The following KLHL2 variants were observed in gnomAD, a reference collection of about 807,000 sequenced individuals.
KLHL2 encodes the protein kelch-like protein 2.
KLHL2 carries 15 observed loss-of-function variants against 75.8 expected under a neutral mutation model. The ratio of observed to expected loss-of-function variants is 0.20; its 90% confidence interval spans 0.13 to 0.30. KLHL2 has a LOEUF of 0.30. KLHL2 is among the 10% of genes least tolerant of loss of function. KLHL2 has a pLI of 1.00. For missense variants in KLHL2, 381 were observed against 741.0 expected, an observed-to-expected ratio of 0.51 and a Z score of 5.64; for synonymous variants, 214 against 251.9, an observed-to-expected ratio of 0.85 and a Z score of 1.42.
intron 14 of KLHL2, 148 bp from the exon 15 acceptor site, chr4:165,321,883 TA>T: frequency 1.4e-6 from 1 of 713,420 alleles, no homozygotes. Flanking sequence ...ATTCAAATGA[TA>T]ATACTACTAA....
At chr4:165,277,168 T>G (rs1479618189) in intron 5 of KLHL2, among the ~76,000 whole-genome samples, 1 of 152,160 alleles carries the variant, frequency 6.6e-6, no homozygotes, top group East Asian at 1.9e-4. Flanking sequence ...TGTTAGAACC[T>G]TCTGAATATA....
At chr4:165,278,883 C>G in intron 5 of KLHL2, 1 of 1,459,722 alleles carries the variant, frequency 6.9e-7, no homozygotes, top group East Asian at 2.3e-5. Context: ...CCTAAACACC[C>G]AGATATTGGC....
intron 5 of KLHL2, among the ~76,000 whole-genome samples, chr4:165,276,491 C>G (rs1189266074): frequency 2.0e-5 from 3 of 152,028 alleles, no homozygotes; most frequent in Non-Finnish European, 4.4e-5. Context: ...GACCATTGCT[C>G]TCACTGCCAT....
intron 11 of KLHL2, among the ~76,000 whole-genome samples, chr4:165,313,036 G>T (rs2126573626): frequency 6.6e-6 from 1 of 152,250 alleles, no homozygotes; most frequent in East Asian, 1.9e-4. Flanking sequence ...ATACCCTGCA[G>T]ATCTTCATAA....
At chr4:165,259,071 A>T (rs2322022) in intron 4 of KLHL2, among the ~76,000 whole-genome samples, 9 of 150,346 alleles carry the variant, frequency 6.0e-5, no homozygotes, top group African/African-American at 9.8e-5. Context: ...AAAATAACTT[A>T]AAAAAATGTA....
intron 4 of KLHL2, among the ~76,000 whole-genome samples, chr4:165,251,899 G>T (rs1484462679): frequency 6.6e-6 from 1 of 152,154 alleles, no homozygotes; most frequent in Admixed American, 6.5e-5. Context: ...GTGAGCCACC[G>T]CGCCCGGCCC....
chr4:165,317,893 A>G lies in KLHL2; in HGVS notation c.1677A>G (p.Ser559=), dbSNP rs1026797376. The change falls in exon 14 of 15, where the codon TCA becomes TCG. Residue 559 remains serine, a synonymous_variant. Coordinates refer to ENST00000226725, the MANE Select transcript of KLHL2 (RefSeq NM_007246.4). ...ATGATGGTTCCTGTAACTTGGCGTC[A>G]GTAGAATATTATAACCCAACAACCG... ...GGDDGSCNLA[S]VEYYNPTTDK... 1 of 1,613,906 alleles carries G rather than the reference A, an allele frequency of 6.2e-7. No individual in the cohort carries two copies. The highest frequency in any genetic ancestry group is 8.5e-7 in the Non-Finnish European group (1 of 1,179,790).
chr4:165,238,986 C>A (rs991812321), intron 4 of KLHL2, 87 bp downstream of exon 4: 3 of 1,489,720 alleles, frequency 2.0e-6, no homozygotes, highest in African/African-American at 2.9e-5. Context: ...ATACAATTTG[C>A]ACCAAAATAA....
At chr4:165,249,844 G>A (rs1260090440) in intron 4 of KLHL2, among the ~76,000 whole-genome samples, 1 of 152,156 alleles carries the variant, frequency 6.6e-6, no homozygotes, top group African/African-American at 2.4e-5. Context: ...GTTTCTTTTG[G>A]CCGGGTACGG....
At chr4:165,303,147 T>C (rs1745460521) in intron 8 of KLHL2, among the ~76,000 whole-genome samples, 1 of 152,188 alleles carries the variant, frequency 6.6e-6, no homozygotes, top group Non-Finnish European at 1.5e-5. Context: ...TTACCCCATT[T>C]TCCCTCTCTT....
At chr4:165,292,717 C>T (rs575775992) in intron 5 of KLHL2, among the ~76,000 whole-genome samples, 1 of 152,248 alleles carries the variant, frequency 6.6e-6, no homozygotes, top group South Asian at 2.1e-4. Flanking sequence ...GGGAAGCCAA[C>T]TGTTCCTTTT....
chr4:165,299,630 C>G lies in KLHL2; in HGVS notation c.895C>G (p.Leu299Val), dbSNP rs1409516873. Residue 299 changes from leucine (L) to valine (V), a missense_variant, in exon 8 of 15, where the codon CTG becomes GTG. Around this residue, in one of 5 missense-constraint regions of KLHL2, gnomAD observed 111 missense variants for 150.1 expected, o/e 0.74. Transcript: ENST00000226725. ...RILMKSVRTR[L>V]RTPMNLPKLM... is the part of the protein sequence containing the mutation. ...ATTAATGAAGAGTGTCCGGACCCGG[C>G]TGAGGACACCCATGAACCTTCCCAA... The G allele has an allele frequency of 6.8e-6, 11 of 1,611,948 alleles. No individual in the cohort carries two copies. Among genetic ancestry groups the G allele is most frequent in the Non-Finnish European group, 9.3e-6 (11 of 1,179,330 alleles).
chr4:165,305,551 T>A, intron 8 of KLHL2, 57 bp from the exon 9 acceptor site: 1 of 1,392,046 alleles, frequency 7.2e-7, no homozygotes, highest in Non-Finnish European at 1.0e-6. Context: ...TAGGACATTT[T>A]AAATCCTGAA....
chr4:165,250,382 G>A (rs1457602759), intron 4 of KLHL2, among the ~76,000 whole-genome samples: 3 of 152,074 alleles, frequency 2.0e-5, no homozygotes, highest in African/African-American at 7.2e-5. Flanking sequence ...AACTCCTCAA[G>A]GTAAAATCAT....
intron 4 of KLHL2, among the ~76,000 whole-genome samples, chr4:165,262,708 A>G (rs1419283819): frequency 6.6e-6 from 1 of 152,098 alleles, no homozygotes; most frequent in Non-Finnish European, 1.5e-5. Flanking sequence ...CCTCCTGAGT[A>G]GCTGGCACTA....
intron 2 of KLHL2, among the ~76,000 whole-genome samples, chr4:165,221,217 G>A (rs1388225355): frequency 3.3e-5 from 5 of 152,238 alleles, no homozygotes; most frequent in Non-Finnish European, 4.4e-5. Flanking sequence ...ACTGCAGGAA[G>A]CAGGCATTCA....
At chr4:165,316,854 G>A (rs1746623197) in intron 13 of KLHL2, among the ~76,000 whole-genome samples, 1 of 152,142 alleles carries the variant, frequency 6.6e-6, no homozygotes, top group South Asian at 2.1e-4. Flanking sequence ...GCCAGGGTGG[G>A]TAAGTTATTT....
At chr4:165,287,633 A>G (rs1744191045) in intron 5 of KLHL2, among the ~76,000 whole-genome samples, 2 of 152,256 alleles carry the variant, frequency 1.3e-5, no homozygotes, top group Admixed American at 1.3e-4. Context: ...GGTTTCTAGT[A>G]TCTTAACATC....
intron 3 of KLHL2, among the ~76,000 whole-genome samples, chr4:165,233,393 G>A (rs1739072447): frequency 6.6e-6 from 1 of 152,196 alleles, no homozygotes; most frequent in African/African-American, 2.4e-5. Flanking sequence ...TGTGCCACAG[G>A]CTAACATTTC....
Sources: allele counts gnomAD v4.1 joint callset (sites outside exome capture counted in the v4.1 genomes callset), GRCh38; gene constraint gnomAD v4.1.1; regional missense constraint gnomAD v4.1.1; transcripts MANE v1.5; gene names NCBI Gene and HGNC (gene_info 2026-07-23, HGNC 2026-07-21).